Variants in TENM1 observed in about 807,000 individuals in gnomAD.
The protein encoded by TENM1 is teneurin-1.
In TENM1, 35 loss-of-function variants were observed where a neutral mutation model predicts 174.8. The observed-to-expected ratio is 0.20, with a 90% CI of 0.15 to 0.27. The LOEUF is 0.27. TENM1 is among the 10% of genes least tolerant of loss of function. The pLI is 1.00. For missense variants in TENM1, 1,633 were observed against 2,130.1 expected (o/e 0.77, Z 4.59); for synonymous variants, 781 against 798.7 (o/e 0.98, Z 0.37).
At chrX:124,447,520 C>T (rs1569532108) in intron 23 of TENM1, among the ~76,000 whole-genome samples, 1 of 111,712 alleles carries the variant, frequency 9.0e-6, no homozygotes, top group Non-Finnish European at 1.9e-5. Flanking sequence ...CCTACTCTGC[C>T]GCTGGTATCT....
intron 11 of TENM1, among the ~76,000 whole-genome samples, chrX:124,604,388 C>T (rs967896576): frequency 5.4e-5 from 6 of 111,585 alleles, no homozygotes; most frequent in Admixed American, 9.5e-5. Flanking sequence ...AAAATGCTGG[C>T]TTCCTCAAAC....
rs184120620 is a variant in TENM1 at position 124,730,935 on chromosome X, T to C, written c.776+6022A>G. ...TTTCATGCCCTGAGATACTCTAATA[T>C]GGAGATGAATTAAGAGAGTTGGGAA... On this transcript the variant is annotated intron_variant, in intron 4 of 31. Transcript: ENST00000422452. 2.7e-4 allele frequency among the ~76,000 whole-genome samples: 30 copies of C among 111,599 alleles called. No homozygotes were observed. In the East Asian group the frequency reaches 7.6e-3, roughly 28 times the overall value.
At chrX:124,965,754 A>G (rs2058719061), upstream of TENM1, among the ~76,000 whole-genome samples, 1 of 111,094 alleles carries the variant, frequency 9.0e-6, no homozygotes, top group Non-Finnish European at 1.9e-5. Flanking sequence ...ACGCCAGTAT[A>G]TTGGCTTCAT....
intron 3 of TENM1, among the ~76,000 whole-genome samples, chrX:124,756,903 G>A (rs994110999): frequency 8.9e-6 from 1 of 111,842 alleles, no homozygotes; most frequent in East Asian, 2.8e-4. Context: ...TGCCCCTACT[G>A]GGGGGTGCCT....
intron 18 of TENM1, 96 bp from the exon 22 acceptor site, chrX:124,503,799 T>G: frequency 1.1e-6 from 1 of 870,639 alleles, no homozygotes; most frequent in Non-Finnish European, 1.6e-6. Context: ...CTTTGGCTAC[T>G]GAATTCTGAT....
intron 3 of TENM1, among the ~76,000 whole-genome samples, chrX:124,820,658 T>C (rs188708905): frequency 9.5e-4 from 107 of 112,597 alleles, no homozygotes; most frequent in Non-Finnish European, 1.2e-3. Context: ...TTATACTATG[T>C]ATATGGTTAC....
intron 23 of TENM1, among the ~76,000 whole-genome samples, chrX:124,433,245 A>G (rs2147783886): frequency 8.9e-6 from 1 of 112,520 alleles, no homozygotes; most frequent in South Asian, 3.7e-4. Flanking sequence ...CTGGTCTAAC[A>G]GATTTCTAGT....
At chrX:124,684,314 A>C (rs1394019497) in intron 5 of TENM1, among the ~76,000 whole-genome samples, 1 of 112,472 alleles carries the variant, frequency 8.9e-6, no homozygotes, top group South Asian at 3.7e-4. Flanking sequence ...ATCTGGTGGA[A>C]CACAGACATA....
At chrX:125,015,944 C>T in the TENM1 span, among the ~76,000 whole-genome samples, 11 of 111,559 alleles carry the variant, frequency 9.9e-5, no homozygotes, top group Non-Finnish European at 3.8e-5. Flanking sequence ...AGACCTAGAG[C>T]TAAGGAGTAG....
intron 3 of TENM1, among the ~76,000 whole-genome samples, chrX:124,871,832 G>T (rs1331656751): frequency 4.5e-5 from 5 of 110,090 alleles, no homozygotes; most frequent in Non-Finnish European, 9.5e-5. Flanking sequence ...AGGAAATCGA[G>T]ACCATCCTGG....
chrX:124,815,667 C>T (rs1287149087), intron 3 of TENM1, among the ~76,000 whole-genome samples: 1 of 110,544 alleles, frequency 9.0e-6, no homozygotes, highest in Non-Finnish European at 1.9e-5. Context: ...ATAACAGAAT[C>T]TCTGTTCATT....
the TENM1 span, among the ~76,000 whole-genome samples, chrX:125,107,143 T>A: frequency 1.8e-5 from 2 of 112,423 alleles, no homozygotes; most frequent in Non-Finnish European, 3.8e-5. Context: ...AGTAATCAAG[T>A]ATTGATTTTG....
the TENM1 span, among the ~76,000 whole-genome samples, chrX:125,182,424 G>C: frequency 1.2e-5 from 1 of 80,797 alleles, no homozygotes; most frequent in Non-Finnish European, 2.2e-5. Flanking sequence ...AGGTTTCAGA[G>C]ATTAGGACAC....
rs148872359 is a variant in TENM1 at position 124,713,743 on chromosome X, T to C, written c.777-8492A>G. Among the ~76,000 whole-genome samples, 1,033 of 112,123 alleles carry C rather than the reference T, an allele frequency of 9.2e-3. 12 individuals are homozygous for C. The highest frequency in any genetic ancestry group is 0.032 in the African/African-American group (976 of 30,912). On this transcript the variant is annotated intron_variant, in intron 4 of 31. Transcript: ENST00000422452. The stretch of plus-strand genomic sequence containing the variant: ...TTCAGAGGTATTCGATGAATACATA[T>C]TGATTTGTATGATGCCTTTGTTTCT...
intron 11 of TENM1, among the ~76,000 whole-genome samples, chrX:124,604,068 C>G (rs2050092986): frequency 9.0e-6 from 1 of 111,266 alleles, no homozygotes; most frequent in South Asian, 3.8e-4. Flanking sequence ...TTTCTCACAT[C>G]TTTGTACTAA....
intron 3 of TENM1, among the ~76,000 whole-genome samples, chrX:124,789,691 GAGACCACCTCAGCCTGGATTTC>G (rs2055133346): frequency 9.0e-6 from 1 of 111,065 alleles, no homozygotes; most frequent in Non-Finnish European, 1.9e-5. Context: ...ATCTCCATCT[GAGACCACCTCAGCCTGGATTTC>G]ATTGTCCATA....
chrX:124,393,844 T>A (rs1022848886), intron 27 of TENM1, among the ~76,000 whole-genome samples: 3 of 111,595 alleles, frequency 2.7e-5, no homozygotes, highest in Admixed American at 1.9e-4. Flanking sequence ...ACATTCAAAC[T>A]AGTTACTTGT....
the TENM1 span, chrX:125,204,292 T>C: frequency 9.0e-6 from 1 of 111,459 alleles, no homozygotes; most frequent in Admixed American, 9.4e-5. Context: ...GATGTTGCCG[T>C]GGCCGCCGCC....
chrX:124,649,598 T>C (rs1274786038), intron 8 of TENM1, among the ~76,000 whole-genome samples: 2 of 112,405 alleles, frequency 1.8e-5, no homozygotes, highest in Non-Finnish European at 3.8e-5. Flanking sequence ...CTATCTATTA[T>C]CCTGCTACAG....
Sources: allele counts gnomAD v4.1 joint callset (sites outside exome capture counted in the v4.1 genomes callset), GRCh38; gene constraint gnomAD v4.1.1; transcripts MANE v1.5; gene names NCBI Gene and HGNC (gene_info 2026-07-23, HGNC 2026-07-21).